The following PCDH7 variants were observed in gnomAD, a reference collection of about 807,000 sequenced individuals.
PCDH7 encodes the protein protocadherin-7.
PCDH7 carries 17 observed loss-of-function variants against 58.9 expected under a neutral mutation model. That is an observed-to-expected ratio of 0.29 (90% CI 0.20 to 0.43). The LOEUF is 0.43. PCDH7 is among the 20% of genes least tolerant of loss of function. The probability of loss-of-function intolerance (pLI) is 1.00; values close to 1 mark genes in which losing one functional copy is unlikely to be tolerated. For missense variants in PCDH7, 1,274 were observed against 1,441.0 expected (o/e 0.88, Z 1.88); for synonymous variants, 664 against 616.4 (o/e 1.08, Z -1.14).
chr4:31,026,887 G>C (rs1291914136), intron 3 of PCDH7, among the ~76,000 whole-genome samples: 2 of 152,162 alleles, frequency 1.3e-5, no homozygotes, highest in African/African-American at 4.8e-5. Flanking sequence ...GATTGCCTCA[G>C]TTGATCTATA....
chr4:30,905,253 T>C (rs1222178448), intron 1 of PCDH7, among the ~76,000 whole-genome samples: 1 of 152,160 alleles, frequency 6.6e-6, no homozygotes, highest in Non-Finnish European at 1.5e-5. Flanking sequence ...TTGTTCATTT[T>C]TAGTGTTTTA....
chr4:30,979,535 A>G (rs1232285083), intron 3 of PCDH7, among the ~76,000 whole-genome samples: 1 of 151,922 alleles, frequency 6.6e-6, no homozygotes, highest in African/African-American at 2.4e-5. Flanking sequence ...TTGCAATATA[A>G]TCTGATAATA....
chr4:31,030,154 T>TGCATGTGTGTGA (rs1199818330), intron 3 of PCDH7, among the ~76,000 whole-genome samples: 3 of 152,000 alleles, frequency 2.0e-5, no homozygotes, highest in Non-Finnish European at 4.4e-5. Context: ...CATGTGTGTG[T>TGCATGTGTGTGA]GCATGTGTGT....
At chr4:30,924,688 T>C (rs1743614334) in intron 2 of PCDH7, among the ~76,000 whole-genome samples, 1 of 152,034 alleles carries the variant, frequency 6.6e-6, no homozygotes, top group South Asian at 2.1e-4. Context: ...GCAAGAACCA[T>C]CTGTAGATCT....
intron 1 of PCDH7, among the ~76,000 whole-genome samples, chr4:30,894,596 C>CATATATATAT (rs576995805): frequency 1.6e-5 from 2 of 124,144 alleles, no homozygotes; most frequent in Non-Finnish European, 3.3e-5. Flanking sequence ...CACACACACA[C>CATATATATAT]ATATATATAT....
intron 3 of PCDH7, among the ~76,000 whole-genome samples, chr4:31,065,793 G>A (rs1427039544): frequency 6.6e-6 from 1 of 151,814 alleles, no homozygotes. Flanking sequence ...TTACCCACTA[G>A]CTTCATCATA....
chr4:30,721,277 T>G lies in PCDH7; in HGVS notation c.-146T>G. 2 of 759,326 alleles carry G rather than the reference T, an allele frequency of 2.6e-6. No individual in the cohort carries two copies. Among genetic ancestry groups the G allele is most frequent in the Non-Finnish European group, 4.0e-6 (2 of 498,578 alleles). The allele number at this position is 759,326 out of a possible 1,614,324, so 47.0% of individuals were successfully genotyped here. ...TTCCCGGCCAACTCTCCACGCCGCT[T>G]TTGCCCCCTCCCTCCCCTCCCTCTC... is the stretch of plus-strand genomic sequence containing the variant. On this transcript the variant is annotated 5_prime_UTR_variant, in exon 1 of 2. Coordinates refer to ENST00000361762, the Ensembl canonical transcript of PCDH7. This position sits in a 1 kb window ranked among gnomAD's most constrained non-coding sequence, Gnocchi z 6.7.
At chr4:31,076,285 C>A (rs1382995395) in intron 3 of PCDH7, among the ~76,000 whole-genome samples, 1 of 152,102 alleles carries the variant, frequency 6.6e-6, no homozygotes, top group Non-Finnish European at 1.5e-5. Context: ...AATGTGTTAA[C>A]CTTTTGTGAT....
intron 1 of PCDH7, among the ~76,000 whole-genome samples, chr4:30,760,664 A>G (rs778992158): frequency 4.7e-4 from 72 of 152,132 alleles, no homozygotes; most frequent in Non-Finnish European, 9.0e-4. Context: ...CTTCAAGGGG[A>G]ACTACAAACC....
chr4:30,905,829 C>T (rs1401680867), intron 1 of PCDH7, among the ~76,000 whole-genome samples: 1 of 152,160 alleles, frequency 6.6e-6, no homozygotes, highest in East Asian at 1.9e-4. Context: ...CTATTTTACA[C>T]CAGCCTTGCT....
intron 3 of PCDH7, among the ~76,000 whole-genome samples, chr4:31,118,716 C>A (rs1049954386): frequency 6.6e-6 from 1 of 151,992 alleles, no homozygotes; most frequent in Non-Finnish European, 1.5e-5. Context: ...ACCTTCTAAC[C>A]AATAGTGATA....
At chr4:31,047,483 T>G (rs894469841) in intron 3 of PCDH7, among the ~76,000 whole-genome samples, 2 of 152,050 alleles carry the variant, frequency 1.3e-5, no homozygotes, top group Non-Finnish European at 2.9e-5. Flanking sequence ...TGCCTTTCCC[T>G]GATTATCTAG....
intron 1 of PCDH7, among the ~76,000 whole-genome samples, chr4:30,915,668 C>T (rs191320957): frequency 6.6e-6 from 1 of 152,140 alleles, no homozygotes; most frequent in African/African-American, 2.4e-5. Context: ...GGATTATAGA[C>T]ATGTACCACC....
chr4:30,920,234 G>A (rs959847256), exon 2 of PCDH7: 2 of 1,367,692 alleles, frequency 1.5e-6, no homozygotes, highest in Admixed American at 1.9e-5. Context: ...CTATGACAGC[G>A]GGCTGGAGGA....
intron 1 of PCDH7, among the ~76,000 whole-genome samples, chr4:30,901,146 T>C (rs1227617013): frequency 1.3e-5 from 2 of 152,080 alleles, no homozygotes; most frequent in Non-Finnish European, 2.9e-5. Flanking sequence ...ACAGAGTAAA[T>C]AAAGTGAATG....
rs1184015983 is a variant in PCDH7, at chr4:30,886,674, G to A, written c.71-33479G>A. On this transcript the variant is annotated intron_variant, in intron 1 of 3. Transcript: ENST00000509759. The stretch of plus-strand genomic sequence containing the variant: ...TGCTGCTATAAAGACACATGCACAC[G>A]TATGTTTATTGCGGCATTATTCACA... Among the ~76,000 whole-genome samples the A allele has an allele frequency of 5.3e-5, 8 of 151,202 alleles. No individual in the cohort carries two copies. The East Asian group carries it at 6.0e-4, about 11-fold the overall frequency.
chr4:31,064,628 T>C (rs1424356016), intron 3 of PCDH7, among the ~76,000 whole-genome samples: 1 of 151,964 alleles, frequency 6.6e-6, no homozygotes, highest in Non-Finnish European at 1.5e-5. Context: ...CTTGAAGCTA[T>C]ATCGCTCCAA....
At chr4:30,729,836 A>G (rs1715223296) in intron 1 of PCDH7, among the ~76,000 whole-genome samples, 1 of 152,048 alleles carries the variant, frequency 6.6e-6, no homozygotes, top group South Asian at 2.1e-4. Flanking sequence ...TTTTAGAAGA[A>G]TATGACATTT....
At chr4:30,850,671 C>A (rs1469405626) in intron 1 of PCDH7, among the ~76,000 whole-genome samples, 1 of 152,008 alleles carries the variant, frequency 6.6e-6, no homozygotes, top group Non-Finnish European at 1.5e-5. Flanking sequence ...TGAGGCATGA[C>A]CCTTTTCTTT....
Sources: allele counts gnomAD v4.1 joint callset (sites outside exome capture counted in the v4.1 genomes callset), GRCh38; gene constraint gnomAD v4.1.1; non-coding constraint Gnocchi (gnomAD v3.1); transcripts MANE v1.5; gene names NCBI Gene and HGNC (gene_info 2026-07-23, HGNC 2026-07-21).